LARGE1: variants seen among roughly 807,000 people sequenced by gnomAD.
LARGE1 encodes the protein xylosyl- and glucuronyltransferase LARGE1.
Under a neutral mutation model 87.6 loss-of-function variants are expected in LARGE1, and 43 were observed. That is an observed-to-expected ratio of 0.49 (90% CI 0.38 to 0.63). The LOEUF is 0.63. Ranked by LOEUF, LARGE1 falls within the 30% of genes least tolerant of loss-of-function variation. LARGE1 has a pLI of 0.00. For synonymous variants in LARGE1, 434 were observed against 394.6 expected (o/e 1.10, Z -1.18); for missense variants, 802 against 1,000.2 (o/e 0.80, Z 2.67).
At chr22:33,791,477 A>C (rs1170365806) in intron 1 of LARGE1, among the ~76,000 whole-genome samples, 1 of 152,238 alleles carries the variant, frequency 6.6e-6, no homozygotes, top group Non-Finnish European at 1.5e-5. Flanking sequence ...AGGAAGAAAA[A>C]TACTAGCTTA....
chr22:33,127,840 T>C, the LARGE1 span, among the ~76,000 whole-genome samples: 1 of 152,314 alleles, frequency 6.6e-6, no homozygotes, highest in South Asian at 2.1e-4. Context: ...CCTAGAGTCA[T>C]AGAGTGAGAT....
intron 9 of LARGE1, among the ~76,000 whole-genome samples, chr22:33,367,420 T>C (rs1010302958): frequency 9.2e-5 from 14 of 152,184 alleles, no homozygotes; most frequent in Non-Finnish European, 1.5e-4. Flanking sequence ...TTCTGTTCTG[T>C]TGTGTTTTGT....
At position 33,274,583 on chromosome 22, in the gene LARGE1, G is replaced by A; in HGVS notation, c.2115C>T (p.His705=). Reference sequence around the variant, plus strand: ...TGTCGAAGCTGGGGGCATGAGGCATGTGGATCATGTAGGCGTTGGGCAGCA... The same window carrying A: ...TGTCGAAGCTGGGGGCATGAGGCATATGGATCATGTAGGCGTTGGGCAGCA... ...FIVLPNAYMI[H]MPHAPSFDIT... Residue 705 remains histidine, a synonymous_variant, in exon 15 of 15, where the codon CAC becomes CAT. Transcript: ENST00000397394. The A allele has an allele frequency of 6.2e-7, 1 of 1,614,190 alleles. No homozygotes were observed. The highest frequency in any genetic ancestry group is 8.5e-7 in the Non-Finnish European group (1 of 1,180,020).
At chr22:33,776,236 T>C (rs1381463748) in intron 1 of LARGE1, among the ~76,000 whole-genome samples, 2 of 152,172 alleles carry the variant, frequency 1.3e-5, no homozygotes, top group African/African-American at 2.4e-5. Context: ...ACAATCTGGA[T>C]TGTACTTTAA....
At chr22:33,468,848 T>C (rs936768040) in intron 6 of LARGE1, among the ~76,000 whole-genome samples, 3 of 152,168 alleles carry the variant, frequency 2.0e-5, no homozygotes, top group Admixed American at 2.0e-4. Context: ...CTCCCCCCTA[T>C]ATTCCACAGC....
At chr22:33,181,428 C>G (rs1337878229) in intron 11 of LARGE1, among the ~76,000 whole-genome samples, 1 of 152,058 alleles carries the variant, frequency 6.6e-6, no homozygotes, top group Admixed American at 6.6e-5. Context: ...ACTAAACTTA[C>G]CTAACTAGTC....
chr22:33,364,156 G>A (rs971178931), intron 9 of LARGE1, among the ~76,000 whole-genome samples: 3 of 152,036 alleles, frequency 2.0e-5, no homozygotes, highest in Non-Finnish European at 4.4e-5. Context: ...CCGGGTTCAC[G>A]CCATTCTCCT....
chr22:33,248,397 G>A (rs1926866773), intron 11 of LARGE1, among the ~76,000 whole-genome samples: 1 of 152,026 alleles, frequency 6.6e-6, no homozygotes, highest in Admixed American at 6.5e-5. Flanking sequence ...TCACCATCTT[G>A]GCCAGGCTGG....
At chr22:33,634,329 G>A (rs2080199722) in intron 3 of LARGE1, among the ~76,000 whole-genome samples, 1 of 152,180 alleles carries the variant, frequency 6.6e-6, no homozygotes, top group South Asian at 2.1e-4. Context: ...TGGAGCCTGA[G>A]AATAGTCTGC....
intron 10 of LARGE1, among the ~76,000 whole-genome samples, chr22:33,326,722 GA>G (rs1181360128): frequency 6.6e-6 from 1 of 152,184 alleles, no homozygotes; most frequent in Non-Finnish European, 1.5e-5. Context: ...GAGAGGAAGG[GA>G]GGGAGCTGCT....
At chr22:33,713,499 C>A (rs2082804093) in intron 2 of LARGE1, among the ~76,000 whole-genome samples, 1 of 152,146 alleles carries the variant, frequency 6.6e-6, no homozygotes, top group Non-Finnish European at 1.5e-5. Context: ...AACACACAAG[C>A]CAGCACACAC....
chr22:33,300,666 C>T lies in LARGE1; in HGVS notation c.1730+3563G>A, dbSNP rs551870392. On this transcript the variant is annotated intron_variant, in intron 12 of 14. Coordinates refer to ENST00000397394, the MANE Select transcript of LARGE1 (RefSeq NM_133642.5). Reference sequence around the variant, plus strand: ...AAGCGATTCCCCTGCCTCAGCCTCCCTAGTAGCTGGGACTACAGGCATGCA... The same window carrying T: ...AAGCGATTCCCCTGCCTCAGCCTCCTTAGTAGCTGGGACTACAGGCATGCA... Among the ~76,000 whole-genome samples, 77 of 152,160 alleles carry T rather than the reference C, an allele frequency of 5.1e-4. 1 individual carries two copies. The South Asian group carries it at 0.015, about 30-fold the overall frequency.
At chr22:33,368,483 G>C (rs1305959894) in intron 9 of LARGE1, among the ~76,000 whole-genome samples, 1 of 140,150 alleles carries the variant, frequency 7.1e-6, no homozygotes, top group Non-Finnish European at 1.5e-5. Flanking sequence ...GCAGTGAGCT[G>C]AGATCATGCC....
At chr22:33,158,618 C>A (rs774010477), downstream of LARGE1, among the ~76,000 whole-genome samples, 9 of 152,102 alleles carry the variant, frequency 5.9e-5, no homozygotes, top group Non-Finnish European at 1.3e-4. Flanking sequence ...AAGGAAGAGG[C>A]CTCTCCATGG....
rs551370261 is a variant in LARGE1, at chr22:33,513,442, T to A, written c.787+51406A>T. ...ATACAGCAACTCAAACACTTTTTGG[T>A]TCCTGTTCCAGACTGTTATATGGCC... On this transcript the variant is annotated intron_variant, in intron 6 of 14. Coordinates refer to ENST00000397394, the MANE Select transcript of LARGE1 (RefSeq NM_133642.5). 1.2e-4 allele frequency among the ~76,000 whole-genome samples: 18 copies of A among 152,274 alleles called. 1 individual carries two copies. The highest frequency in any genetic ancestry group is 1.2e-3 in the Admixed American group (18 of 15,292).
chr22:33,191,404 T>C (rs1923773163), intron 11 of LARGE1, among the ~76,000 whole-genome samples: 2 of 152,224 alleles, frequency 1.3e-5, no homozygotes, highest in African/African-American at 4.8e-5. Context: ...TCTGGAGCGG[T>C]GCGCCCAGGA....
rs1245399456 is a variant in LARGE1, at chr22:33,277,071, G to C, written c.2062C>G (p.Leu688Val). The C allele has an allele frequency of 6.2e-7, 1 of 1,614,046 alleles. No individual in the cohort carries two copies. The highest frequency in any genetic ancestry group is 8.5e-7 in the Non-Finnish European group (1 of 1,180,020). Residue 688 changes from leucine to valine, a missense_variant, in exon 14 of 15, where the codon CTG becomes GTG. Around this residue, in one of 2 missense-constraint regions of LARGE1, gnomAD observed 625 missense variants for 841.9 expected, o/e 0.74. Coordinates refer to ENST00000397394, the MANE Select transcript of LARGE1 (RefSeq NM_133642.5). ...TCCGTTCTTCTCACCTGCACATCCA[G>C]CTCCATGATATGAGCCACTTTGTTC... ...GWNKVAHIME[L>V]DVQEYEFIVL...
chr22:33,384,343 T>TA, intron 7 of LARGE1, 39 bp from the exon 8 acceptor site: 1 of 1,491,016 alleles, frequency 6.7e-7, no homozygotes, highest in Non-Finnish European at 9.3e-7. Context: ...AATTAAAAAA[T>TA]AAAAAAGATG....
intron 1 of LARGE1, among the ~76,000 whole-genome samples, chr22:33,914,110 C>T (rs911686368): frequency 2.0e-5 from 3 of 152,174 alleles, no homozygotes; most frequent in African/African-American, 7.2e-5. Flanking sequence ...AAGAATGTAA[C>T]AAACCTTCTA....
Sources: allele counts gnomAD v4.1 joint callset (sites outside exome capture counted in the v4.1 genomes callset), GRCh38; gene constraint gnomAD v4.1.1; regional missense constraint gnomAD v4.1.1; transcripts MANE v1.5; gene names NCBI Gene and HGNC (gene_info 2026-07-23, HGNC 2026-07-21).